AFAP1: variants seen among roughly 807,000 people sequenced by gnomAD.
AFAP1 encodes actin filament-associated protein 1.
In AFAP1, 75 loss-of-function variants were observed where a neutral mutation model predicts 93.9. The observed-to-expected ratio is 0.80, with a 90% CI of 0.66 to 0.97. The LOEUF (loss-of-function observed/expected upper bound fraction) is 0.97. AFAP1 is among the 50% of genes least tolerant of loss of function. AFAP1 has a pLI of 0.00. For missense variants in AFAP1, 1,201 were observed against 1,050.8 expected, an observed-to-expected ratio of 1.14 and a Z score of -1.98; for synonymous variants, 517 against 430.7, an observed-to-expected ratio of 1.20 and a Z score of -2.48.
At chr4:7,932,510 T>C (rs1721133271) in intron 1 of AFAP1, among the ~76,000 whole-genome samples, 3 of 152,246 alleles carry the variant, frequency 2.0e-5, no homozygotes, top group African/African-American at 7.2e-5. Context: ...AAGAGTTCTT[T>C]GTGTAAAACT....
intron 1 of AFAP1, among the ~76,000 whole-genome samples, chr4:7,913,138 C>A (rs1207029599): frequency 6.6e-6 from 1 of 152,202 alleles, no homozygotes; most frequent in Non-Finnish European, 1.5e-5. Context: ...CCTGTAATCA[C>A]AGCACTGTGG....
At chr4:7,898,914 T>A (rs988807323) in intron 1 of AFAP1, among the ~76,000 whole-genome samples, 3 of 150,642 alleles carry the variant, frequency 2.0e-5, no homozygotes, top group African/African-American at 7.3e-5. Flanking sequence ...AATATATATG[T>A]GTGTATATAT....
At chr4:7,794,093 G>A (rs1718156946) in intron 10 of AFAP1, among the ~76,000 whole-genome samples, 1 of 152,186 alleles carries the variant, frequency 6.6e-6, no homozygotes, top group Admixed American at 6.5e-5. Context: ...AAAGGCACTA[G>A]GGTGTAAGAC....
chr4:7,804,148 C>T (rs1178387137), intron 9 of AFAP1, among the ~76,000 whole-genome samples: 2 of 152,156 alleles, frequency 1.3e-5, no homozygotes, highest in Admixed American at 6.5e-5. Flanking sequence ...AGTGCTGACC[C>T]GGACCCCAAG....
At chr4:7,927,261 G>T (rs1381457849) in intron 1 of AFAP1, among the ~76,000 whole-genome samples, 1 of 152,202 alleles carries the variant, frequency 6.6e-6, no homozygotes, top group Non-Finnish European at 1.5e-5. Context: ...GCAGCCCTAA[G>T]GTTTGGGTGT....
At chr4:7,790,867 T>C (rs1717803787) in intron 11 of AFAP1, among the ~76,000 whole-genome samples, 1 of 152,182 alleles carries the variant, frequency 6.6e-6, no homozygotes, top group Non-Finnish European at 1.5e-5. Flanking sequence ...AAACCTCCAG[T>C]ATTACTGGGG....
At chr4:7,771,234 T>C (rs1349041449) in intron 16 of AFAP1, among the ~76,000 whole-genome samples, 2 of 152,308 alleles carry the variant, frequency 1.3e-5, no homozygotes, top group East Asian at 1.9e-4. Flanking sequence ...GAACACAGAA[T>C]GTGGGCTGGG....
At chr4:7,765,664 G>A (rs902200325) in intron 17 of AFAP1, among the ~76,000 whole-genome samples, 1 of 152,256 alleles carries the variant, frequency 6.6e-6, no homozygotes, top group Non-Finnish European at 1.5e-5. Flanking sequence ...ACCCAGGTCA[G>A]AGCAGCGGCA....
rs765225770 is a variant in AFAP1, at chr4:7,758,939, T to C, written c.*4826A>G. 3.3e-5 allele frequency: 5 copies of C among 152,290 alleles called. No individual in the cohort carries two copies. Among genetic ancestry groups the C allele is most frequent in the Non-Finnish European group, 7.3e-5 (5 of 68,036 alleles). 9.4% of individuals were successfully genotyped at this position (152,290 alleles called of 1,614,324 possible). ...CATTGAGAAACAGTGAAAATATATT[T>C]ACAGTCATTTGAAGTGGGCACTACT... On this transcript the variant is annotated 3_prime_UTR_variant, in exon 18 of 18. Transcript: ENST00000420658.
chr4:7,833,053 G>A (rs751335574), intron 6 of AFAP1, among the ~76,000 whole-genome samples: 2 of 152,160 alleles, frequency 1.3e-5, no homozygotes, highest in Non-Finnish European at 2.9e-5. Flanking sequence ...AAAAATTCTA[G>A]AAGATAACAT....
chr4:7,850,613 GGA>G (rs1461302694), intron 4 of AFAP1, among the ~76,000 whole-genome samples: 3 of 152,258 alleles, frequency 2.0e-5, no homozygotes, highest in Non-Finnish European at 2.9e-5. Flanking sequence ...GAACCTGGAA[GGA>G]GAGAAGGAAA....
intron 1 of AFAP1, among the ~76,000 whole-genome samples, chr4:7,919,637 TTTTTTAA>T (rs1221339875): frequency 1.3e-5 from 2 of 152,214 alleles, no homozygotes; most frequent in African/African-American, 4.8e-5. Flanking sequence ...TCTTTTATTT[TTTTTTAA>T]TTTTTAAGTT....
intron 8 of AFAP1, among the ~76,000 whole-genome samples, chr4:7,811,608 C>A (rs1280215267): frequency 1.3e-5 from 2 of 152,174 alleles, no homozygotes; most frequent in Non-Finnish European, 1.5e-5. Flanking sequence ...CCACACTCCA[C>A]CCTCCCGCTT....
intron 8 of AFAP1, among the ~76,000 whole-genome samples, chr4:7,814,610 G>C (rs1394761588): frequency 6.6e-6 from 1 of 152,214 alleles, no homozygotes; most frequent in East Asian, 1.9e-4. Context: ...AGTGACACTA[G>C]CCACAAACAC....
intron 14 of AFAP1, 99 bp downstream of exon 14, chr4:7,778,663 G>T: frequency 8.7e-7 from 1 of 1,147,474 alleles, no homozygotes; most frequent in Non-Finnish European, 1.3e-6. Context: ...CTCTCCAGCT[G>T]ACCCCAAGCT....
chr4:7,875,483 T>C (rs1006563509), intron 1 of AFAP1, among the ~76,000 whole-genome samples: 2 of 152,094 alleles, frequency 1.3e-5, no homozygotes, highest in African/African-American at 4.8e-5. Flanking sequence ...ACGAGGCATG[T>C]TGGCTCACGT....
At chr4:7,890,712 A>G (rs1718422551) in intron 1 of AFAP1, among the ~76,000 whole-genome samples, 1 of 152,242 alleles carries the variant, frequency 6.6e-6, no homozygotes, top group Admixed American at 6.5e-5. Flanking sequence ...ATGAGTCATC[A>G]GGTTAATGCA....
At chr4:7,856,553 T>TA (rs978144223) in intron 3 of AFAP1, among the ~76,000 whole-genome samples, 2 of 152,196 alleles carry the variant, frequency 1.3e-5, no homozygotes, top group Non-Finnish European at 2.9e-5. Flanking sequence ...CACAATTTTT[T>TA]AACAAACTCA....
intron 10 of AFAP1, among the ~76,000 whole-genome samples, chr4:7,795,519 G>A (rs534226776): frequency 3.5e-4 from 46 of 131,752 alleles, no homozygotes; most frequent in South Asian, 1.3e-3. Context: ...TCTGCCTCCC[G>A]GATCACGCCA....
Sources: gnomAD v4.1 joint callset for allele counts (sites outside exome capture counted in the v4.1 genomes callset) on GRCh38, gnomAD v4.1.1 for gene constraint, MANE v1.5 for transcripts, NCBI Gene and HGNC (gene_info 2026-07-23, HGNC 2026-07-21) for gene names.